Variants in L2HGDH observed in about 807,000 individuals in gnomAD.
L2HGDH encodes the protein L-2-hydroxyglutarate dehydrogenase, also known as L-2-hydroxyglutarate dehydrogenase, mitochondrial.
L2HGDH carries 34 observed loss-of-function variants against 51.5 expected under a neutral mutation model. The ratio of observed to expected loss-of-function variants is 0.66; its 90% CI spans 0.50 to 0.88. L2HGDH has a LOEUF of 0.88. L2HGDH is among the 40% of genes least tolerant of loss of function. The pLI is 0.00. For synonymous variants in L2HGDH, 198 were observed against 197.9 expected, an observed-to-expected ratio of 1.00 and a Z score of -0.01; for missense variants, 558 against 571.9, an observed-to-expected ratio of 0.98 and a Z score of 0.25.
chr14:50,294,124 TG>T lies in L2HGDH; in HGVS notation c.530del (p.Pro177HisfsTer6), dbSNP rs766538932. On this transcript the variant is annotated frameshift_variant, in exon 4 of 10. Transcript: ENST00000267436. LOFTEE classifies it high-confidence loss of function. ...IQQEDIKKKE[P>X]YCRGLMAIDC... Reference sequence around the variant, plus strand: ...TTTGTTAATCACTTACCCTACAATATGGCTCCTTCTTTTTTATATCCTCCTG... The same window carrying T: ...TTTGTTAATCACTTACCCTACAATATGCTCCTTCTTTTTTATATCCTCCTG... 24 of 1,613,856 alleles carry T rather than the reference TG, an allele frequency of 1.5e-5. No individual in the cohort carries two copies. The Admixed American group carries it at 2.2e-4, about 15-fold the overall frequency.
chr14:50,281,840 A>AT (rs1181269229), intron 5 of L2HGDH, among the ~76,000 whole-genome samples: 3 of 151,618 alleles, frequency 2.0e-5, no homozygotes, highest in Middle Eastern at 3.4e-3. Flanking sequence ...GATACTTTTT[A>AT]TTTTTTTTGT....
rs142849018 is a variant in L2HGDH, at chr14:50,280,854, G to C, written c.704-2300C>G. On this transcript the variant is annotated intron_variant, in intron 5 of 9. Coordinates refer to ENST00000267436, the MANE Select transcript of L2HGDH (RefSeq NM_024884.3). ...TTTTGAGACAAGGTCTCACTGTGTC[G>C]GCCTGGCTGCAGTGCAGTGATGCAA... Among the ~76,000 whole-genome samples the C allele has an allele frequency of 2.4e-3, 360 of 152,014 alleles. 3 individuals are homozygous for C. The highest frequency in any genetic ancestry group is 7.9e-3 in the African/African-American group (328 of 41,478).
chr14:50,302,135 A>G lies in L2HGDH; in HGVS notation c.290T>C (p.Ile97Thr). The change falls in exon 3 of 10, where the codon ATA (isoleucine) becomes ACA (threonine). Residue 97 changes from isoleucine to threonine, a missense_variant. Transcript: ENST00000267436. ...AGGTTTATAATAAATTCCACTATGT[A>G]TGACACCACTGTTATGTCCAGTCTG... is the stretch of plus-strand genomic sequence containing the variant. ...VHQTGHNSGV[I>T]HSGIYYKPES... 6.2e-7 allele frequency: 1 copy of G among 1,614,176 alleles called. No individual in the cohort carries two copies. Among genetic ancestry groups the G allele is most frequent in the Non-Finnish European group, 8.5e-7 (1 of 1,180,012 alleles).
At position 50,246,438 on chromosome 14, in the gene L2HGDH, A is replaced by ATTTT. The variant is rs35924556; in HGVS notation, c.*616_*619dup. 8.0e-5 allele frequency: 5 copies of ATTTT among 62,868 alleles called. No individual in the cohort carries two copies. Among genetic ancestry groups the ATTTT allele is most frequent in the African/African-American group, 2.3e-4 (3 of 12,792 alleles). The allele number at this position is 62,868 out of a possible 1,614,324, so 3.9% of individuals were successfully genotyped here. A position where few individuals can be genotyped will look rare whatever the true frequency, so the allele number is the denominator to read the frequency against. On this transcript the variant is annotated 3_prime_UTR_variant, in exon 10 of 10. Transcript: ENST00000267436. ...TCATTCACTATGTTGCCCAGGCTGG[A>ATTTT]TTTTTTTTTTTTTTTTTTTTTTTTT...
At chr14:50,261,253 G>A (rs967384407) in intron 9 of L2HGDH, among the ~76,000 whole-genome samples, 3 of 152,138 alleles carry the variant, frequency 2.0e-5, no homozygotes, top group Non-Finnish European at 4.4e-5. Flanking sequence ...TTGTAGAAAT[G>A]TTTGAGTTTT....
chr14:50,251,351 A>G (rs1888337689), intron 9 of L2HGDH, among the ~76,000 whole-genome samples: 1 of 152,136 alleles, frequency 6.6e-6, no homozygotes, highest in South Asian at 2.1e-4. Flanking sequence ...AATAAAAAAC[A>G]ATGAAGCATG....
chr14:50,248,949 C>G (rs578007397), intron 9 of L2HGDH, among the ~76,000 whole-genome samples: 2 of 152,308 alleles, frequency 1.3e-5, no homozygotes, highest in Admixed American at 6.5e-5. Flanking sequence ...TCCCTCACCC[C>G]CTAGCAGCAG....
chr14:50,269,809 C>G (rs1889564283), intron 6 of L2HGDH, among the ~76,000 whole-genome samples: 1 of 152,054 alleles, frequency 6.6e-6, no homozygotes, highest in East Asian at 1.9e-4. Flanking sequence ...AGGATTTACC[C>G]AATCAGCAGA....
intron 3 of L2HGDH, among the ~76,000 whole-genome samples, 154 bp downstream of exon 3, chr14:50,301,863 C>T (rs769208384): frequency 8.6e-5 from 13 of 151,958 alleles, no homozygotes; most frequent in South Asian, 6.2e-4. Context: ...AATTACATAA[C>T]GTCACACCAT....
rs369078905 is a variant in L2HGDH, at chr14:50,267,786, C to T, written c.1031G>A (p.Ser344Asn). The change falls in exon 8 of 10, where the codon AGT (serine) becomes AAT (asparagine). Residue 344 changes from serine to asparagine, a missense_variant. By Grantham distance (46) the Ser-to-Asn change is conservative. Coordinates refer to ENST00000267436, the MANE Select transcript of L2HGDH (RefSeq NM_024884.3). ...KREGYRPFDFSATDVMDIIIN... is the reference protein window; with the variant it reads ...KREGYRPFDFNATDVMDIIIN... ...AATTATATCCATAACATCTGTGGCACTGAAGTCAAAGGGTCTGTAACCCTC... is the reference window on the plus strand; with the variant it reads ...AATTATATCCATAACATCTGTGGCATTGAAGTCAAAGGGTCTGTAACCCTC... 16 of 1,612,758 alleles carry T rather than the reference C, an allele frequency of 9.9e-6. No homozygotes were observed. Among genetic ancestry groups the T allele is most frequent in the African/African-American group, 1.3e-5 (1 of 74,866 alleles).
rs1038345678 is a variant in L2HGDH, at chr14:50,304,606, C to T, written c.141-1589G>A. Reference sequence around the variant, plus strand: ...ATCCCAGAACTTTGGGAGGCCAAGGCGGGCAGATCACGAGGCCAGGAGGTT... The same window carrying T: ...ATCCCAGAACTTTGGGAGGCCAAGGTGGGCAGATCACGAGGCCAGGAGGTT... On this transcript the variant is annotated intron_variant, in intron 1 of 9. Coordinates refer to ENST00000267436, the MANE Select transcript of L2HGDH (RefSeq NM_024884.3). Among the ~76,000 whole-genome samples, 6 of 152,288 alleles carry T rather than the reference C, an allele frequency of 3.9e-5. No homozygotes were observed. The South Asian group carries it at 6.2e-4, about 16-fold the overall frequency.
chr14:50,303,192 G>T (rs556966819), intron 1 of L2HGDH, among the ~76,000 whole-genome samples, 175 bp from the exon 2 acceptor site: 4 of 152,284 alleles, frequency 2.6e-5, no homozygotes, highest in South Asian at 2.1e-4. Context: ...GAGTGGCCGA[G>T]GGGGGCGGAT....
intron 9 of L2HGDH, among the ~76,000 whole-genome samples, chr14:50,258,403 T>C (rs1888802906): frequency 2.0e-5 from 3 of 152,050 alleles, no homozygotes; most frequent in Non-Finnish European, 2.9e-5. Context: ...AAAATATTTT[T>C]TTAGAGACAA....
chr14:50,289,062 G>A (rs1029952737), intron 4 of L2HGDH, among the ~76,000 whole-genome samples: 2 of 152,116 alleles, frequency 1.3e-5, no homozygotes, highest in Non-Finnish European at 2.9e-5. Flanking sequence ...TAGAAAAATT[G>A]AGCAAAAAGT....
intron 3 of L2HGDH, among the ~76,000 whole-genome samples, chr14:50,295,249 T>G (rs1464887480): frequency 6.6e-6 from 1 of 152,142 alleles, no homozygotes; most frequent in Non-Finnish European, 1.5e-5. Context: ...GGGGCTCATG[T>G]CTATAATCCA....
rs560851127 is a variant in L2HGDH, at chr14:50,275,502, C to G, written c.738+3018G>C. Reference sequence around the variant, plus strand: ...ACTTATGAGATGTCTTATTCACCATCATGGTATTTTACAGAGAAGCATTAC... The same window carrying G: ...ACTTATGAGATGTCTTATTCACCATGATGGTATTTTACAGAGAAGCATTAC... On this transcript the variant is annotated intron_variant, in intron 6 of 9. Transcript: ENST00000267436. 3.9e-5 allele frequency among the ~76,000 whole-genome samples: 6 copies of G among 152,362 alleles called. 1 individual carries two copies. The South Asian group carries it at 8.3e-4, about 21-fold the overall frequency.
In L2HGDH at chr14:50,247,220, A is replaced by G. The variant is rs2139922838; in HGVS notation, c.1230T>C (p.Asp410=). 2.5e-6 allele frequency: 4 copies of G among 1,614,068 alleles called. No individual in the cohort carries two copies. Among genetic ancestry groups the G allele is most frequent in the Non-Finnish European group, 2.5e-6 (3 of 1,179,990 alleles). ...AATCTTCTACCAGATTTCCATCTCT[A>G]TCCAGGGCCTGGGCTCTTACTCCAG... is the stretch of plus-strand genomic sequence containing the variant. ...GPAGVRAQAL[D]RDGNLVEDFV... The change falls in exon 10 of 10, where the codon GAT becomes GAC. Residue 410 remains aspartate, a synonymous_variant. Transcript: ENST00000267436.
chr14:50,267,429 G>A (rs1005483961), intron 8 of L2HGDH, among the ~76,000 whole-genome samples: 3 of 152,112 alleles, frequency 2.0e-5, no homozygotes, highest in Admixed American at 6.6e-5. Flanking sequence ...TGATCCACCT[G>A]CCTCGGCCTC....
Position 50,284,009 on chromosome 14 carries a change from G to C in L2HGDH, c.565C>G (p.His189Asp). 1.2e-6 allele frequency: 2 copies of C among 1,614,060 alleles called. No homozygotes were observed. Among genetic ancestry groups the C allele is most frequent in the South Asian group, 2.2e-5 (2 of 91,086 alleles). The change falls in exon 5 of 10, where the codon CAT becomes GAT. Residue 189 changes from histidine to aspartate, a missense_variant. Coordinates refer to ENST00000267436, the MANE Select transcript of L2HGDH (RefSeq NM_024884.3). ...CRGLMAIDCP[H>D]TGIVDYRQVA... The stretch of plus-strand genomic sequence containing the variant: ...TGCCGATAGTCCACAATGCCAGTAT[G>C]TGGACAATCAATAGCCATTAGACCC...
Sources: gnomAD v4.1 joint callset for allele counts (sites outside exome capture counted in the v4.1 genomes callset) on GRCh38, gnomAD v4.1.1 for gene constraint, MANE v1.5 for transcripts, NCBI Gene and HGNC (gene_info 2026-07-23, HGNC 2026-07-21) for gene names.